LNX1: variants seen among roughly 807,000 people sequenced by gnomAD.
The protein encoded by LNX1 is ligand of numb-protein X 1.
A neutral mutation model predicts 68.4 loss-of-function variants in LNX1; 54 were observed. The observed-to-expected ratio is 0.79, with a 90% CI of 0.63 to 0.99. LNX1 has a LOEUF of 0.99. LNX1 is among the 50% of genes least tolerant of loss of function. The pLI, the probability that LNX1 is intolerant of heterozygous loss-of-function variation, is 0.00. For synonymous variants in LNX1, 336 were observed against 350.0 expected (o/e 0.96, Z 0.45); for missense variants, 906 against 926.4 (o/e 0.98, Z 0.29).
Position 53,636,147 on chromosome 4 carries a change from G to C in LNX1, c.-215+16021C>G, listed in dbSNP as rs189001093. On this transcript the variant is annotated intron_variant, in intron 1 of 2. Transcript: ENST00000507168. ...CCTGCAATTCAGAGTGGAAATCAAA[G>C]AGGGATCTCAGAGACTGCACATCTA... Among the ~76,000 whole-genome samples the C allele has an allele frequency of 1.4e-4, 20 of 146,268 alleles. No individual in the cohort carries two copies. The East Asian group carries it at 2.3e-3, about 17-fold the overall frequency.
At position 53,460,671 on chromosome 4, in the gene LNX1, A is replaced by AAAC. The variant is rs1263581972; in HGVS notation, c.*233_*235dup. 7.3e-6 allele frequency: 3 copies of AAAC among 408,912 alleles called. 1 individual carries two copies. The highest frequency in any genetic ancestry group is 9.2e-5 in the Admixed American group (2 of 21,632). 25.3% of individuals were successfully genotyped at this position (408,912 alleles called of 1,614,324 possible). A position where few individuals can be genotyped will look rare whatever the true frequency, so the allele number is the denominator to read the frequency against. On this transcript the variant is annotated 3_prime_UTR_variant, in exon 11 of 11. Coordinates refer to ENST00000263925, the MANE Select transcript of LNX1 (RefSeq NM_001126328.3). ...GCTTTTTATTGAATAGAAAAAATAT[A>AAAC]AACAATGTTGTAGAGTAATGAGAAA...
intron 4 of LNX1, among the ~76,000 whole-genome samples, chr4:53,500,694 C>T (rs1343831916): frequency 7.2e-5 from 11 of 152,188 alleles, no homozygotes; most frequent in African/African-American, 2.4e-4. Flanking sequence ...ACTGAAGTGA[C>T]TGCATAAGGC....
At chr4:53,611,639 T>C (rs1184860259) in intron 2 of LNX1, among the ~76,000 whole-genome samples, 1 of 152,128 alleles carries the variant, frequency 6.6e-6, no homozygotes, top group East Asian at 1.9e-4. Flanking sequence ...AATTGTGGTT[T>C]TTACCACTAA....
intron 2 of LNX1, among the ~76,000 whole-genome samples, chr4:53,572,943 T>C (rs1435199091): frequency 6.6e-6 from 1 of 152,224 alleles, no homozygotes; most frequent in East Asian, 1.9e-4. Context: ...CAGTTGTGCC[T>C]TGTCAATTCC....
intron 1 of LNX1, among the ~76,000 whole-genome samples, chr4:53,636,118 A>G (rs1291181132): frequency 3.3e-5 from 5 of 151,082 alleles, no homozygotes; most frequent in Non-Finnish European, 7.4e-5. Flanking sequence ...TACTGAGGAC[A>G]ATGCCTGCAA....
chr4:53,531,865 A>T (rs1402285043), intron 2 of LNX1, among the ~76,000 whole-genome samples: 2 of 152,186 alleles, frequency 1.3e-5, no homozygotes, highest in Non-Finnish European at 2.9e-5. Context: ...GTTCTATCAC[A>T]ACAACATCCT....
intron 2 of LNX1, among the ~76,000 whole-genome samples, chr4:53,517,014 C>T (rs1400745427): frequency 6.6e-6 from 1 of 152,204 alleles, no homozygotes; most frequent in African/African-American, 2.4e-5. Flanking sequence ...TGTTTTCTCC[C>T]AGCAGAATAT....
chr4:53,610,581 A>G (rs1018923709), intron 2 of LNX1, among the ~76,000 whole-genome samples: 14 of 151,848 alleles, frequency 9.2e-5, no homozygotes, highest in Non-Finnish European at 1.8e-4. Context: ...GGTGGTGGGC[A>G]CCTGTAGTCC....
intron 2 of LNX1, among the ~76,000 whole-genome samples, chr4:53,612,643 G>A (rs1349380213): frequency 6.6e-6 from 1 of 150,668 alleles, no homozygotes; most frequent in African/African-American, 2.4e-5. Context: ...AATATAGCGA[G>A]ACCCTGTCTC....
chr4:53,485,392 C>T (rs1724218300), intron 6 of LNX1, among the ~76,000 whole-genome samples: 1 of 152,202 alleles, frequency 6.6e-6, no homozygotes, highest in South Asian at 2.1e-4. Context: ...TAGACTTGCA[C>T]ATCGAATCAA....
intron 6 of LNX1, among the ~76,000 whole-genome samples, chr4:53,494,909 C>T (rs1197395699): frequency 3.3e-5 from 5 of 152,114 alleles, no homozygotes; most frequent in East Asian, 3.8e-4. Flanking sequence ...CCCCCAAGTC[C>T]GTATATGATT....
chr4:53,481,068 T>A (rs1465737894), intron 7 of LNX1, among the ~76,000 whole-genome samples: 1 of 152,224 alleles, frequency 6.6e-6, no homozygotes, highest in Non-Finnish European at 1.5e-5. Flanking sequence ...TTGCCTCTAA[T>A]AGAAGCCACA....
At chr4:53,630,700 G>A (rs28503674) in intron 1 of LNX1, among the ~76,000 whole-genome samples, 3,498 of 152,142 alleles carry the variant, frequency 0.023, 153 homozygotes, top group African/African-American at 0.077. Flanking sequence ...TATTAGATGC[G>A]GTGTATTTAA....
intron 2 of LNX1, among the ~76,000 whole-genome samples, chr4:53,526,646 C>G (rs1337154695): frequency 6.6e-6 from 1 of 151,408 alleles, no homozygotes; most frequent in Non-Finnish European, 1.5e-5. Context: ...TTGAAATTCT[C>G]TTTTTTCTGC....
At chr4:53,466,578 C>G (rs989792261) in intron 9 of LNX1, among the ~76,000 whole-genome samples, 8 of 152,186 alleles carry the variant, frequency 5.3e-5, no homozygotes, top group Non-Finnish European at 8.8e-5. Context: ...CAGGGAATTC[C>G]CTTTCCTAGT....
chr4:53,535,371 T>A lies in LNX1; in HGVS notation c.381-27144A>T, dbSNP rs370527617. On this transcript the variant is annotated intron_variant, in intron 2 of 10. Transcript: ENST00000263925. The stretch of plus-strand genomic sequence containing the variant: ...GTTATTATTTCCATGACACAAAACA[T>A]ACATTTTGATGTTGTCACAAATGAA... Among the ~76,000 whole-genome samples the A allele has an allele frequency of 3.3e-5, 5 of 152,316 alleles. No homozygotes were observed. In the East Asian group the frequency reaches 5.8e-4, roughly 18 times the overall value.
intron 2 of LNX1, among the ~76,000 whole-genome samples, chr4:53,566,648 C>A (rs954387966): frequency 3.3e-5 from 5 of 152,048 alleles, no homozygotes; most frequent in African/African-American, 1.2e-4. Context: ...ACACATAACA[C>A]TATTAACTTT....
intron 2 of LNX1, among the ~76,000 whole-genome samples, chr4:53,533,484 T>C (rs1728160160): frequency 6.6e-6 from 1 of 152,188 alleles, no homozygotes. Context: ...CCGCAACTTT[T>C]GCCTCCCAGG....
intron 2 of LNX1, among the ~76,000 whole-genome samples, chr4:53,532,083 G>C (rs753331687): frequency 6.6e-6 from 1 of 152,176 alleles, no homozygotes. Context: ...CAAGGATGAC[G>C]TTATTTCTAA....
Sources: allele counts gnomAD v4.1 joint callset (sites outside exome capture counted in the v4.1 genomes callset), GRCh38; gene constraint gnomAD v4.1.1; transcripts MANE v1.5; gene names NCBI Gene and HGNC (gene_info 2026-07-23, HGNC 2026-07-21).